The following DPP10 variants were observed in gnomAD, a reference collection of about 807,000 sequenced individuals.
The protein encoded by DPP10 is dipeptidyl peptidase like 10.
A neutral mutation model predicts 120.9 loss-of-function variants in DPP10; 33 were observed. That is an observed-to-expected ratio of 0.27 (90% CI 0.21 to 0.37). The LOEUF (loss-of-function observed/expected upper bound fraction) is 0.37, where lower values mean the gene tolerates loss of function less well. Among genes scored for constraint, DPP10 ranks in the 10% least tolerant of loss-of-function variants. The probability of loss-of-function intolerance (pLI) is 1.00; values close to 1 mark genes in which losing one functional copy is unlikely to be tolerated. For synonymous variants in DPP10, 337 were observed against 326.1 expected, an observed-to-expected ratio of 1.03 and a Z score of -0.36; for missense variants, 816 against 942.8, an observed-to-expected ratio of 0.87 and a Z score of 1.76.
At chr2:115,367,456 G>A (rs2065145961) in intron 3 of DPP10, among the ~76,000 whole-genome samples, 1 of 151,926 alleles carries the variant, frequency 6.6e-6, no homozygotes, top group Non-Finnish European at 1.5e-5. Context: ...ATCTAATAGA[G>A]CTTTTGGAGA....
At chr2:114,825,218 G>A (rs1048515741) in intron 1 of DPP10, among the ~76,000 whole-genome samples, 1 of 152,144 alleles carries the variant, frequency 6.6e-6, no homozygotes, top group Non-Finnish European at 1.5e-5. Flanking sequence ...CCTTCAAAAT[G>A]TTTTATCCAA....
chr2:115,263,093 T>C (rs1367630479), intron 1 of DPP10, among the ~76,000 whole-genome samples: 1 of 152,198 alleles, frequency 6.6e-6, no homozygotes, highest in East Asian at 1.9e-4. Flanking sequence ...CATTTCCTTT[T>C]TCTAGGTGTA....
intron 1 of DPP10, among the ~76,000 whole-genome samples, chr2:115,043,625 T>G (rs1704837707): frequency 6.6e-6 from 1 of 152,170 alleles, no homozygotes; most frequent in African/African-American, 2.4e-5. Context: ...ATTTTTTAAT[T>G]CTCTCTCCTC....
intron 1 of DPP10, among the ~76,000 whole-genome samples, chr2:114,754,255 G>C (rs1405350614): frequency 3.3e-5 from 5 of 152,178 alleles, no homozygotes; most frequent in African/African-American, 1.2e-4. Context: ...CCGAGAGACA[G>C]GCGGACACAC....
chr2:115,740,059 T>A (rs1324431010), intron 9 of DPP10, among the ~76,000 whole-genome samples, 166 bp downstream of exon 9: 2 of 152,128 alleles, frequency 1.3e-5, no homozygotes, highest in Non-Finnish European at 2.9e-5. Context: ...TACACAGTGC[T>A]TGGGTAGAGA....
intron 5 of DPP10, among the ~76,000 whole-genome samples, chr2:115,622,250 T>C (rs1041695869): frequency 2.6e-5 from 4 of 152,130 alleles, no homozygotes; most frequent in African/African-American, 9.7e-5. Flanking sequence ...TTTGCCTCTT[T>C]GGAACATTTC....
Position 114,666,166 on chromosome 2 carries a change from C to T in DPP10, c.60+223328C>T, listed in dbSNP as rs143649772. Reference sequence around the variant, plus strand: ...TAAGATGTTATCTTACTCCCTATTCCTAATGCATAGCTCAGTGCTAGGTAC... The same window carrying T: ...TAAGATGTTATCTTACTCCCTATTCTTAATGCATAGCTCAGTGCTAGGTAC... On this transcript the variant is annotated intron_variant, in intron 1 of 25. Coordinates refer to ENST00000410059, the MANE Select transcript of DPP10 (RefSeq NM_020868.6). 4.7e-3 allele frequency among the ~76,000 whole-genome samples: 713 copies of T among 152,218 alleles called. 3 individuals are homozygous for T. The highest frequency in any genetic ancestry group is 7.0e-3 in the Non-Finnish European group (475 of 67,996).
At position 114,460,470 on chromosome 2, in the gene DPP10, T is replaced by C. The variant is rs148471230; in HGVS notation, c.60+17632T>C. Among the ~76,000 whole-genome samples, 97 of 152,214 alleles carry C rather than the reference T, an allele frequency of 6.4e-4. 2 individuals carry two copies. The highest frequency in any genetic ancestry group is 2.3e-3 in the African/African-American group (94 of 41,522). Reference sequence around the variant, plus strand: ...CTGAACGGTGATAATTCTGAGTATATGATTTAGATGTGCCTATTATAACTG... The same window carrying C: ...CTGAACGGTGATAATTCTGAGTATACGATTTAGATGTGCCTATTATAACTG... On this transcript the variant is annotated intron_variant, in intron 1 of 25. Transcript: ENST00000410059.
chr2:114,446,436 A>G (rs1677949980), intron 1 of DPP10, among the ~76,000 whole-genome samples: 1 of 152,142 alleles, frequency 6.6e-6, no homozygotes, highest in African/African-American at 2.4e-5. Context: ...ATCAAGAATT[A>G]TATGTATTAT....
intron 5 of DPP10, among the ~76,000 whole-genome samples, chr2:115,599,192 A>G (rs2083170835): frequency 6.6e-6 from 1 of 152,118 alleles, no homozygotes; most frequent in Admixed American, 6.5e-5. Flanking sequence ...TTGCTCAACT[A>G]TTAAATTTAA....
At chr2:115,687,804 A>T (rs1364652716) in intron 5 of DPP10, among the ~76,000 whole-genome samples, 1 of 152,108 alleles carries the variant, frequency 6.6e-6, no homozygotes, top group Admixed American at 6.6e-5. Context: ...TTCAATAATT[A>T]TACACAGTTG....
chr2:115,035,623 A>T (rs997925114), intron 1 of DPP10, among the ~76,000 whole-genome samples: 1 of 152,194 alleles, frequency 6.6e-6, no homozygotes, highest in South Asian at 2.1e-4. Flanking sequence ...TATGGTAGAT[A>T]CTGCTTTTAT....
intron 21 of DPP10, among the ~76,000 whole-genome samples, chr2:115,831,289 C>G (rs62157978): frequency 6.6e-6 from 1 of 152,030 alleles, no homozygotes; most frequent in Non-Finnish European, 1.5e-5. Context: ...TACTCAGTCG[C>G]CCAGGCTGGA....
intron 1 of DPP10, among the ~76,000 whole-genome samples, chr2:115,044,481 A>G (rs979178064): frequency 4.6e-5 from 7 of 152,136 alleles, no homozygotes; most frequent in Non-Finnish European, 7.3e-5. Flanking sequence ...GTCATTTAAC[A>G]TTAGGTATAT....
intron 1 of DPP10, among the ~76,000 whole-genome samples, chr2:114,883,188 T>C (rs1691786663): frequency 6.6e-6 from 1 of 152,178 alleles, no homozygotes; most frequent in Non-Finnish European, 1.5e-5. Flanking sequence ...CAGTAGCTAC[T>C]ACGCATTATC....
intron 1 of DPP10, among the ~76,000 whole-genome samples, chr2:115,235,160 C>T (rs1028180124): frequency 3.3e-5 from 5 of 152,086 alleles, no homozygotes; most frequent in Admixed American, 2.6e-4. Context: ...CTTTAGAAAA[C>T]CTCTGTGCAA....
intron 1 of DPP10, among the ~76,000 whole-genome samples, chr2:115,283,039 A>G (rs2060224923): frequency 1.3e-5 from 2 of 152,024 alleles, no homozygotes; most frequent in African/African-American, 2.4e-5. Flanking sequence ...CCATTTATGT[A>G]TCATTCTTGG....
At chr2:115,109,357 G>A (rs1331916683) in intron 1 of DPP10, among the ~76,000 whole-genome samples, 1 of 152,056 alleles carries the variant, frequency 6.6e-6, no homozygotes, top group Non-Finnish European at 1.5e-5. Context: ...CCAACATGGT[G>A]AAACCCCATC....
At chr2:114,869,104 GA>G (rs2106556390) in intron 1 of DPP10, among the ~76,000 whole-genome samples, 1 of 152,238 alleles carries the variant, frequency 6.6e-6, no homozygotes, top group East Asian at 1.9e-4. Context: ...ATTATCAATT[GA>G]GGGCTTCAGA....
Sources: gnomAD v4.1 joint callset for allele counts (sites outside exome capture counted in the v4.1 genomes callset) on GRCh38, gnomAD v4.1.1 for gene constraint, MANE v1.5 for transcripts, NCBI Gene and HGNC (gene_info 2026-07-23, HGNC 2026-07-21) for gene names.